Variants in NAALADL2 observed in about 807,000 individuals in gnomAD.
NAALADL2 encodes N-acetylated alpha-linked acidic dipeptidase like 2, also known as inactive N-acetylated-alpha-linked acidic dipeptidase-like protein 2.
In NAALADL2, 76 loss-of-function variants were observed where a neutral mutation model predicts 87.2. The ratio of observed to expected loss-of-function variants is 0.87; its 90% CI spans 0.72 to 1.05. NAALADL2 has a LOEUF of 1.05. Ranked by LOEUF, NAALADL2 falls within the 50% of genes least tolerant of loss-of-function variation. NAALADL2 has a pLI of 0.00. For missense variants in NAALADL2, 1,089 were observed against 945.8 expected, an observed-to-expected ratio of 1.15 and a Z score of -1.99; for synonymous variants, 354 against 331.0, an observed-to-expected ratio of 1.07 and a Z score of -0.75.
chr3:174,793,524 G>T (rs1717708334), intron 3 of NAALADL2, among the ~76,000 whole-genome samples: 1 of 152,118 alleles, frequency 6.6e-6, no homozygotes, highest in Admixed American at 6.6e-5. Context: ...CAAAGCTGTG[G>T]TCAAATCATG....
intron 2 of NAALADL2, among the ~76,000 whole-genome samples, chr3:175,199,093 A>G (rs780282124): frequency 6.6e-6 from 1 of 152,274 alleles, no homozygotes; most frequent in East Asian, 1.9e-4. Context: ...TTGAAACGGG[A>G]TTGTATTCAT....
intron 2 of NAALADL2, among the ~76,000 whole-genome samples, chr3:175,210,290 A>G (rs988009885): frequency 2.0e-5 from 3 of 151,824 alleles, no homozygotes; most frequent in African/African-American, 7.2e-5. Context: ...TGTTTTTGCA[A>G]TTAGTTAAGA....
chr3:174,972,878 C>A (rs1344123440), intron 1 of NAALADL2, among the ~76,000 whole-genome samples: 1 of 151,906 alleles, frequency 6.6e-6, no homozygotes, highest in Non-Finnish European at 1.5e-5. Context: ...TGCCCATAAT[C>A]CCAGCTAGTC....
rs1665540555 is a variant in NAALADL2, at chr3:175,617,376, G to A, written c.1801-9915G>A. 2.6e-5 allele frequency among the ~76,000 whole-genome samples: 4 copies of A among 152,134 alleles called. No individual in the cohort carries two copies. In the South Asian group the frequency reaches 8.3e-4, roughly 32 times the overall value. Reference sequence around the variant, plus strand: ...GTCCTGCTGGACCATTTGAAAGACTGGCTCTGGACCCTGTGACTTGTATCT... The same window carrying A: ...GTCCTGCTGGACCATTTGAAAGACTAGCTCTGGACCCTGTGACTTGTATCT... On this transcript the variant is annotated intron_variant, in intron 10 of 13. Transcript: ENST00000454872.
chr3:174,515,871 A>G (rs369228570), intron 1 of NAALADL2, among the ~76,000 whole-genome samples: 2 of 152,194 alleles, frequency 1.3e-5, no homozygotes, highest in Non-Finnish European at 2.9e-5. Flanking sequence ...GAATGATAAT[A>G]GCAGTCTTAG....
intron 9 of NAALADL2, among the ~76,000 whole-genome samples, chr3:175,530,180 A>T (rs1306934847): frequency 1.3e-5 from 2 of 152,192 alleles, no homozygotes; most frequent in Non-Finnish European, 2.9e-5. Context: ...TCCACAGAAC[A>T]GGTCATCCTA....
intron 11 of NAALADL2, among the ~76,000 whole-genome samples, chr3:175,688,409 G>T (rs1451090033): frequency 6.6e-6 from 1 of 152,144 alleles, no homozygotes; most frequent in East Asian, 1.9e-4. Flanking sequence ...CAGGTGAGCT[G>T]GGAGAGACAG....
At chr3:175,647,366 T>TA (rs981107656) in intron 11 of NAALADL2, among the ~76,000 whole-genome samples, 4 of 152,120 alleles carry the variant, frequency 2.6e-5, no homozygotes, top group African/African-American at 7.2e-5. Context: ...GTCTTTTTAT[T>TA]AAAAAAAGAC....
At chr3:174,873,282 T>G (rs1399109561) in intron 1 of NAALADL2, among the ~76,000 whole-genome samples, 2 of 151,240 alleles carry the variant, frequency 1.3e-5, no homozygotes, top group African/African-American at 4.9e-5. Flanking sequence ...TTAGACGGAG[T>G]CTCGCTCTGT....
At chr3:174,831,901 T>G (rs1395255741) in intron 3 of NAALADL2, among the ~76,000 whole-genome samples, 1 of 151,102 alleles carries the variant, frequency 6.6e-6, no homozygotes, top group African/African-American at 2.4e-5. Flanking sequence ...TGCGTAGAGG[T>G]GTTTGTAGTA....
At chr3:175,486,319 G>A (rs1254736065) in intron 9 of NAALADL2, among the ~76,000 whole-genome samples, 1 of 151,984 alleles carries the variant, frequency 6.6e-6, no homozygotes, top group Non-Finnish European at 1.5e-5. Context: ...TTCTGGGACG[G>A]GACAGGCTAA....
intron 2 of NAALADL2, among the ~76,000 whole-genome samples, chr3:175,153,036 GA>G (rs1703039723): frequency 6.6e-6 from 1 of 151,966 alleles, no homozygotes; most frequent in South Asian, 2.1e-4. Context: ...TTCTAACATT[GA>G]TATGCATACC....
At chr3:174,511,671 T>C (rs1719606554) in intron 1 of NAALADL2, among the ~76,000 whole-genome samples, 1 of 152,014 alleles carries the variant, frequency 6.6e-6, no homozygotes, top group Non-Finnish European at 1.5e-5. Context: ...ATGTGTAGGC[T>C]TAAATCTATC....
chr3:174,769,471 A>G (rs1714257926), intron 3 of NAALADL2, among the ~76,000 whole-genome samples: 1 of 151,920 alleles, frequency 6.6e-6, no homozygotes, highest in Admixed American at 6.5e-5. Context: ...TTATTAGCAT[A>G]CCTAGTAATC....
intron 2 of NAALADL2, among the ~76,000 whole-genome samples, chr3:174,735,485 C>T (rs1733104742): frequency 6.6e-6 from 1 of 152,292 alleles, no homozygotes; most frequent in South Asian, 2.1e-4. Context: ...CACATCTCTT[C>T]CTTTGTTTAA....
chr3:175,688,378 G>A (rs1476629397), intron 11 of NAALADL2, among the ~76,000 whole-genome samples: 1 of 152,062 alleles, frequency 6.6e-6, no homozygotes, highest in Admixed American at 6.6e-5. Context: ...GGAATCTTAT[G>A]ACCACATATT....
chr3:175,123,237 A>G (rs1019643412), intron 2 of NAALADL2, among the ~76,000 whole-genome samples: 3 of 151,992 alleles, frequency 2.0e-5, no homozygotes, highest in Non-Finnish European at 4.4e-5. Flanking sequence ...AACCAAGAGA[A>G]GACATTAGAA....
intron 4 of NAALADL2, among the ~76,000 whole-genome samples, chr3:175,263,843 A>G (rs1003896311): frequency 6.6e-6 from 1 of 151,620 alleles, no homozygotes; most frequent in Non-Finnish European, 1.5e-5. Context: ...ATATTTATAT[A>G]TATATTATAT....
At chr3:175,697,826 T>G (rs1462566438) in intron 11 of NAALADL2, among the ~76,000 whole-genome samples, 4 of 103,326 alleles carry the variant, frequency 3.9e-5, no homozygotes, top group African/African-American at 1.5e-4. Flanking sequence ...TGTATACATA[T>G]ATATGTGTAT....
Sources: allele counts gnomAD v4.1 joint callset (sites outside exome capture counted in the v4.1 genomes callset), GRCh38; gene constraint gnomAD v4.1.1; transcripts MANE v1.5; gene names NCBI Gene and HGNC (gene_info 2026-07-23, HGNC 2026-07-21).